Variants in RARB observed in about 807,000 individuals in gnomAD.
RARB encodes HBV-activated protein.
In RARB, 17 loss-of-function variants were observed where a neutral mutation model predicts 51.9. The ratio of observed to expected loss-of-function variants is 0.33; its 90% confidence interval spans 0.22 to 0.49. The LOEUF (loss-of-function observed/expected upper bound fraction) is 0.49, where lower values mean the gene tolerates loss of function less well. Ranked by LOEUF, RARB falls within the 20% of genes least tolerant of loss-of-function variation. RARB has a pLI of 0.99. For synonymous variants in RARB, 215 were observed against 195.4 expected, an observed-to-expected ratio of 1.10 and a Z score of -0.84; for missense variants, 369 against 550.8, an observed-to-expected ratio of 0.67 and a Z score of 3.30.
At chr3:25,505,786 C>T (rs1000570760) in intron 3 of RARB, among the ~76,000 whole-genome samples, 2 of 151,810 alleles carry the variant, frequency 1.3e-5, no homozygotes, top group African/African-American at 2.4e-5. Context: ...CTGCTGGTGG[C>T]GTGGGAGGTT....
At chr3:25,223,829 C>G (rs1011910020) in intron 5 of RARB, among the ~76,000 whole-genome samples, 1 of 152,160 alleles carries the variant, frequency 6.6e-6, no homozygotes, top group Non-Finnish European at 1.5e-5. Context: ...CACTATCACC[C>G]GAGTATTTTA....
At chr3:24,912,894 T>G (rs1167521856) in intron 2 of RARB, among the ~76,000 whole-genome samples, 5 of 151,370 alleles carry the variant, frequency 3.3e-5, no homozygotes, top group Admixed American at 3.3e-4. Context: ...ACAGGAAAAT[T>G]ATCCCATACA....
chr3:25,142,156 A>G (rs1198602413), intron 4 of RARB, among the ~76,000 whole-genome samples: 1 of 152,034 alleles, frequency 6.6e-6, no homozygotes, highest in Non-Finnish European at 1.5e-5. Flanking sequence ...ACGTGGCGAA[A>G]CCCCGTCTCT....
At chr3:25,094,276 C>T (rs1238420711) in intron 3 of RARB, among the ~76,000 whole-genome samples, 1 of 152,148 alleles carries the variant, frequency 6.6e-6, no homozygotes, top group African/African-American at 2.4e-5. Flanking sequence ...ATGCCTTCTC[C>T]ATATCATTGG....
rs1311235150 is a variant in RARB, at chr3:24,989,926, A to C, written c.-379-70199A>C. ...GCCATTCTCCTGCCTCAGCCTCCCG[A>C]GTAGCTGGGACTACAGGCGCCCGCC... is the stretch of plus-strand genomic sequence containing the variant. On this transcript the variant is annotated intron_variant, in intron 2 of 11. Transcript: ENST00000383772. 2.1e-5 allele frequency among the ~76,000 whole-genome samples: 2 copies of C among 95,290 alleles called. 1 individual carries two copies. Among genetic ancestry groups the C allele is most frequent in the Admixed American group, 2.7e-4 (2 of 7,410 alleles). The allele number at this position is 95,290 out of a possible 152,430, so 62.5% of individuals were successfully genotyped here. A position where few individuals can be genotyped will look rare whatever the true frequency, so the allele number is the denominator to read the frequency against.
In RARB at chr3:25,259,517, C is replaced by G. The variant is rs115256036; in HGVS notation, c.178+84942C>G. ...ATGTCCAAGGTAACCTAGGAACCTA[C>G]CTTTAGCCTAGGTCCCTGAATGACT... On this transcript the variant is annotated intron_variant, in intron 5 of 11. Transcript: ENST00000383772. 3.4e-3 allele frequency among the ~76,000 whole-genome samples: 523 copies of G among 152,232 alleles called. 2 individuals are homozygous for G. The highest frequency in any genetic ancestry group is 0.012 in the African/African-American group (502 of 41,550).
At chr3:25,016,141 G>C (rs918395289) in intron 2 of RARB, among the ~76,000 whole-genome samples, 1 of 152,156 alleles carries the variant, frequency 6.6e-6, no homozygotes, top group East Asian at 1.9e-4. Context: ...CCTGCCTGTC[G>C]CTTGTAACAA....
At chr3:25,374,386 T>C (rs1359440177) in intron 5 of RARB, among the ~76,000 whole-genome samples, 3 of 151,900 alleles carry the variant, frequency 2.0e-5, no homozygotes, top group East Asian at 1.9e-4. Context: ...TCTAAAGATA[T>C]AGGTAGGGTT....
chr3:25,364,690 T>C (rs1480692014), intron 5 of RARB, among the ~76,000 whole-genome samples: 6 of 152,244 alleles, frequency 3.9e-5, no homozygotes, highest in African/African-American at 1.2e-4. Context: ...GAAGGTTGTT[T>C]CTATTTGACA....
intron 2 of RARB, among the ~76,000 whole-genome samples, chr3:24,878,807 G>T (rs1703100890): frequency 6.6e-6 from 1 of 152,162 alleles, no homozygotes; most frequent in Admixed American, 6.5e-5. Context: ...CAGAATCTTT[G>T]TGGTTTTTCT....
chr3:25,355,457 T>C (rs1373039237), intron 5 of RARB, among the ~76,000 whole-genome samples: 1 of 152,194 alleles, frequency 6.6e-6, no homozygotes, highest in African/African-American at 2.4e-5. Context: ...ACTTCAGTCA[T>C]AGCCCCTTAG....
At chr3:25,065,331 C>T (rs1050239763) in intron 3 of RARB, among the ~76,000 whole-genome samples, 1 of 152,044 alleles carries the variant, frequency 6.6e-6, no homozygotes, top group Non-Finnish European at 1.5e-5. Flanking sequence ...TTAAAAAACT[C>T]GTTATCAGGT....
chr3:25,429,415 C>A (rs997847654), intron 1 of RARB, among the ~76,000 whole-genome samples: 3 of 152,166 alleles, frequency 2.0e-5, no homozygotes, highest in Non-Finnish European at 4.4e-5. Flanking sequence ...TCCCGAAGTT[C>A]ATAAACCACC....
intron 2 of RARB, among the ~76,000 whole-genome samples, chr3:24,919,652 T>G (rs556434356): frequency 1.3e-5 from 2 of 152,344 alleles, no homozygotes; most frequent in Admixed American, 6.5e-5. Flanking sequence ...TTAAACTGTT[T>G]AGTAGGATTT....
At chr3:24,891,857 T>A (rs1050397181) in intron 2 of RARB, among the ~76,000 whole-genome samples, 1 of 144,536 alleles carries the variant, frequency 6.9e-6, no homozygotes, top group African/African-American at 2.4e-5. Flanking sequence ...ATCTTCAGGC[T>A]GCCTAGAGCC....
At chr3:25,124,136 A>C (rs925884042) in intron 3 of RARB, among the ~76,000 whole-genome samples, 1 of 152,168 alleles carries the variant, frequency 6.6e-6, no homozygotes, top group African/African-American at 2.4e-5. Flanking sequence ...GCACTTTGGG[A>C]GGCCAAGGTG....
chr3:24,948,193 T>C (rs1695814521), intron 2 of RARB, among the ~76,000 whole-genome samples: 1 of 152,046 alleles, frequency 6.6e-6, no homozygotes, highest in Admixed American at 6.5e-5. Flanking sequence ...AGATCTGAAG[T>C]CTCAGTGTAC....
At chr3:25,218,325 A>G (rs1289427462) in intron 5 of RARB, among the ~76,000 whole-genome samples, 1 of 151,822 alleles carries the variant, frequency 6.6e-6, no homozygotes, top group Non-Finnish European at 1.5e-5. Flanking sequence ...GTGCACACAC[A>G]TATCCGCCCC....
At chr3:25,228,588 G>T (rs1416518368) in intron 5 of RARB, among the ~76,000 whole-genome samples, 2 of 151,618 alleles carry the variant, frequency 1.3e-5, no homozygotes, top group Non-Finnish European at 2.9e-5. Context: ...AGGAGTATTT[G>T]TCTGTAGTCC....
Sources: allele counts gnomAD v4.1 joint callset (sites outside exome capture counted in the v4.1 genomes callset), GRCh38; gene constraint gnomAD v4.1.1; transcripts MANE v1.5; gene names NCBI Gene and HGNC (gene_info 2026-07-23, HGNC 2026-07-21).